The following REEP5 variants were observed in gnomAD, a reference collection of about 807,000 sequenced individuals.
The protein encoded by REEP5 is receptor expression-enhancing protein 5.
REEP5 carries 24 observed loss-of-function variants against 22.4 expected under a neutral mutation model. That is an observed-to-expected ratio of 1.07 (90% CI 0.78 to 1.51). The LOEUF is 1.51. Among genes scored for constraint, REEP5 ranks in the 40% most tolerant of loss-of-function variants. REEP5 has a pLI of 0.00. For synonymous variants in REEP5, 103 were observed against 88.6 expected (o/e 1.16, Z -0.92); for missense variants, 252 against 233.0 (o/e 1.08, Z -0.53).
In REEP5 at chr5:112,877,981, CTGTGTGTGTG is replaced by C. The variant is rs60109818; in HGVS notation, c.*795_*804del. On this transcript the variant is annotated 3_prime_UTR_variant, in exon 5 of 5. Coordinates refer to ENST00000379638, the MANE Select transcript of REEP5 (RefSeq NM_005669.5). Reference sequence around the variant, plus strand: ...AGGGAATTGAGAGTTACAGGTTACTCTGTGTGTGTGTGTGTGTGTGTGTGTGTGTGTGTGT... The same window carrying C: ...AGGGAATTGAGAGTTACAGGTTACTCTGTGTGTGTGTGTGTGTGTGTGTGT... The C allele has an allele frequency of 0.18, 26,745 of 147,508 alleles. 2,629 individuals are homozygous for C. Among genetic ancestry groups the C allele is most frequent in the Non-Finnish European group, 0.23 (15,321 of 67,174 alleles). 9.1% of individuals were successfully genotyped at this position (147,508 alleles called of 1,614,324 possible). A position where few individuals can be genotyped will look rare whatever the true frequency, so the allele number is the denominator to read the frequency against.
In REEP5 at chr5:112,901,941, C is replaced by T. The variant is rs1337098435; in HGVS notation, c.351+439G>A. ...TCATGCCACTGCACTCTAGCCTGGG[C>T]GACGGAGCAAGACTCCATCTCAAAA... is the stretch of plus-strand genomic sequence containing the variant. On this transcript the variant is annotated intron_variant, in intron 3 of 4. Transcript: ENST00000379638. Among the ~76,000 whole-genome samples the T allele has an allele frequency of 5.0e-5, 7 of 140,658 alleles. No individual in the cohort carries two copies. The South Asian group carries it at 8.9e-4, about 18-fold the overall frequency. 92.3% of individuals were successfully genotyped at this position (140,658 alleles called of 152,430 possible).
At chr5:112,918,067 G>A (rs1769268707) in intron 2 of REEP5, among the ~76,000 whole-genome samples, 1 of 152,138 alleles carries the variant, frequency 6.6e-6, no homozygotes, top group Non-Finnish European at 1.5e-5. Context: ...CCTGTTATCA[G>A]TAAAAGAGGG....
At chr5:112,921,477 T>A in intron 1 of REEP5, 1 of 570,176 alleles carries the variant, frequency 1.8e-6, no homozygotes, top group East Asian at 3.0e-5. Context: ...GTGCCTCTCC[T>A]ACCTCCCGCA....
intron 3 of REEP5, chr5:112,893,094 TAAAAAAAAA>T (rs552226372): frequency 5.3e-4 from 266 of 499,750 alleles, no homozygotes; most frequent in Non-Finnish European, 6.7e-4. Context: ...GTTTTGTTCT[TAAAAAAAAA>T]AAAAAAAAAA....
intron 1 of REEP5, 84 bp from the exon 2 acceptor site, chr5:112,921,340 G>T: frequency 7.7e-7 from 1 of 1,306,316 alleles, no homozygotes; most frequent in Non-Finnish European, 1.1e-6. Context: ...GCGAGGCTGG[G>T]CCTGTTGTAG....
At chr5:112,892,502 C>A in intron 3 of REEP5, 1 of 1,614,136 alleles carries the variant, frequency 6.2e-7, no homozygotes, top group Non-Finnish European at 8.5e-7. Context: ...TGCCAAGCAG[C>A]CCTTTCTCTG....
chr5:112,881,375 A>G (rs1411257919), intron 4 of REEP5, among the ~76,000 whole-genome samples: 1 of 152,092 alleles, frequency 6.6e-6, no homozygotes, highest in African/African-American at 2.4e-5. Flanking sequence ...TCCCATGTCT[A>G]ACTACCACAG....
intron 2 of REEP5, among the ~76,000 whole-genome samples, chr5:112,911,070 T>A (rs536101859): frequency 6.6e-6 from 1 of 152,158 alleles, no homozygotes; most frequent in Non-Finnish European, 1.5e-5. Context: ...GGGACAAAAT[T>A]TTCCTCTGCT....
Position 112,877,272 on chromosome 5 carries a change from ATTG to A in REEP5, c.*1511_*1513del, listed in dbSNP as rs1187135808. ...TGAGACATTGTTATGATCTTACCTG[ATTG>A]TTATCTCAAGGTGAGCTAATCATCT... On this transcript the variant is annotated 3_prime_UTR_variant, in exon 5 of 5. Coordinates refer to ENST00000379638, the MANE Select transcript of REEP5 (RefSeq NM_005669.5). 17 of 152,132 alleles carry A rather than the reference ATTG, an allele frequency of 1.1e-4. No individual in the cohort carries two copies. Among genetic ancestry groups the A allele is most frequent in the African/African-American group, 3.9e-4 (16 of 41,422 alleles). 9.4% of individuals were successfully genotyped at this position (152,132 alleles called of 1,614,324 possible).
chr5:112,905,532 C>T (rs1420256437), intron 2 of REEP5, among the ~76,000 whole-genome samples: 2 of 148,638 alleles, frequency 1.3e-5, no homozygotes, highest in East Asian at 3.9e-4. Flanking sequence ...CAGAGCAAGA[C>T]TCGGTCTCAA....
At chr5:112,880,469 C>A (rs1174831279) in intron 4 of REEP5, among the ~76,000 whole-genome samples, 1 of 152,160 alleles carries the variant, frequency 6.6e-6, no homozygotes, top group African/African-American at 2.4e-5. Context: ...CAAGGAGTCC[C>A]TTCTTGTCCA....
intron 2 of REEP5, among the ~76,000 whole-genome samples, chr5:112,918,762 T>C (rs1769285736): frequency 6.6e-6 from 1 of 152,182 alleles, no homozygotes; most frequent in African/African-American, 2.4e-5. Context: ...TGCACCTCTC[T>C]GGTGCCTCCC....
chr5:112,893,094 T>TTAAAAAAAAAAAAAAAAAAA (rs781185558), intron 3 of REEP5: 1 of 457,294 alleles, frequency 2.2e-6, no homozygotes, highest in African/African-American at 2.3e-5. Context: ...GTTTTGTTCT[T>TTAAAAAAAAAAAAAAAAAAA]AAAAAAAAAA....
intron 3 of REEP5, chr5:112,893,836 T>G (rs1217587547): frequency 1.3e-5 from 2 of 152,238 alleles, no homozygotes; most frequent in Admixed American, 1.3e-4. Flanking sequence ...AGTAGTTCGA[T>G]GTTACTCTTA....
chr5:112,921,009 G>A (rs564286812), intron 2 of REEP5, among the ~76,000 whole-genome samples, 154 bp downstream of exon 2: 33 of 152,292 alleles, frequency 2.2e-4, no homozygotes, highest in South Asian at 1.2e-3. Flanking sequence ...TTCCAAAATG[G>A]TGAATACTAT....
chr5:112,887,768 T>C (rs1198891633), intron 3 of REEP5, among the ~76,000 whole-genome samples: 1 of 152,220 alleles, frequency 6.6e-6, no homozygotes, highest in South Asian at 2.1e-4. Flanking sequence ...ACTCCTTCTT[T>C]ACAGCTCTAC....
chr5:112,894,025 G>T (rs535946292), intron 3 of REEP5: 1 of 152,152 alleles, frequency 6.6e-6, no homozygotes, highest in Admixed American at 6.5e-5. Flanking sequence ...TGTTTCCTTG[G>T]CATAGTGCCA....
chr5:112,878,603 G>C lies in REEP5; in HGVS notation c.*183C>G. The C allele has an allele frequency of 1.2e-6, 1 of 859,178 alleles. No homozygotes were observed. The highest frequency in any genetic ancestry group is 2.2e-5 in the South Asian group (1 of 45,452). The allele number at this position is 859,178 out of a possible 1,614,324, so 53.2% of individuals were successfully genotyped here. ...CACTGCCCACTGCATTAAGTTTAAAGTGCTCCCTATATATATAGACAGTAA... is the reference window on the plus strand; with the variant it reads ...CACTGCCCACTGCATTAAGTTTAAACTGCTCCCTATATATATAGACAGTAA... On this transcript the variant is annotated 3_prime_UTR_variant, in exon 5 of 5. Coordinates refer to ENST00000379638, the MANE Select transcript of REEP5 (RefSeq NM_005669.5).
chr5:112,903,365 C>T (rs555796955), intron 2 of REEP5, among the ~76,000 whole-genome samples: 22 of 152,170 alleles, frequency 1.4e-4, no homozygotes, highest in Non-Finnish European at 2.9e-4. Context: ...ACTGAAAATA[C>T]ATTGACAGGG....
Sources: gnomAD v4.1 joint callset for allele counts (sites outside exome capture counted in the v4.1 genomes callset) on GRCh38, gnomAD v4.1.1 for gene constraint, MANE v1.5 for transcripts, NCBI Gene and HGNC (gene_info 2026-07-23, HGNC 2026-07-21) for gene names.